The following NEDD4L variants were observed in gnomAD, a reference collection of about 807,000 sequenced individuals.
The protein encoded by NEDD4L is NEDD4 like E3 ubiquitin protein ligase.
NEDD4L carries 54 observed loss-of-function variants against 148.9 expected under a neutral mutation model. That is an observed-to-expected ratio of 0.36 (90% confidence interval 0.29 to 0.45). The LOEUF is 0.45. Among genes scored for constraint, NEDD4L ranks in the 20% least tolerant of loss-of-function variants. NEDD4L has a pLI of 1.00. For synonymous variants in NEDD4L, 433 were observed against 440.7 expected, an observed-to-expected ratio of 0.98 and a Z score of 0.22; for missense variants, 856 against 1,233.8, an observed-to-expected ratio of 0.69 and a Z score of 4.59.
At chr18:58,277,947 A>G (rs1421625071) in intron 5 of NEDD4L, among the ~76,000 whole-genome samples, 2 of 152,180 alleles carry the variant, frequency 1.3e-5, no homozygotes, top group Non-Finnish European at 2.9e-5. Flanking sequence ...GGATTCCAAC[A>G]CAGGGTGTCC....
intron 1 of NEDD4L, among the ~76,000 whole-genome samples, chr18:58,150,998 C>A (rs2034658310): frequency 6.6e-6 from 1 of 152,202 alleles, no homozygotes; most frequent in Non-Finnish European, 1.5e-5. Context: ...TACACCTCAA[C>A]CAGGCAGAGA....
intron 10 of NEDD4L, 77 bp downstream of exon 10, chr18:58,329,204 T>C: frequency 6.8e-7 from 1 of 1,470,262 alleles, no homozygotes; most frequent in Non-Finnish European, 9.3e-7. Context: ...TATATCATAA[T>C]TTCTTCTGTC....
chr18:58,215,785 T>G (rs1209468643), intron 2 of NEDD4L, among the ~76,000 whole-genome samples: 2 of 152,208 alleles, frequency 1.3e-5, no homozygotes, highest in Non-Finnish European at 2.9e-5. Context: ...CATTTTCCTT[T>G]TAGTTGTTTT....
chr18:58,339,980 C>A (rs766120353), intron 13 of NEDD4L, among the ~76,000 whole-genome samples: 13 of 152,138 alleles, frequency 8.5e-5, no homozygotes, highest in Non-Finnish European at 1.6e-4. Context: ...AAGCAGCTTC[C>A]TTTTGTAACC....
Position 58,366,065 on chromosome 18 carries a change from A to G in NEDD4L, c.1900A>G (p.Arg634Gly). ...TAACATATTTGAAGAGTCCTATCGG[A>G]GAATTATGTCCGTGAAAAGACCAGA... is the stretch of plus-strand genomic sequence containing the variant. ...RNNIFEESYR[R>G]IMSVKRPDVL... Residue 634 changes from arginine to glycine, a missense_variant, in exon 21 of 31, where the codon AGA becomes GGA. Physicochemically the swap from Arg to Gly is moderately radical, Grantham distance 125 (BLOSUM62 -2). Transcript: ENST00000400345. This position sits in a 1 kb window ranked among gnomAD's most constrained non-coding sequence, Gnocchi z 4.2. 6.2e-7 allele frequency: 1 copy of G among 1,613,546 alleles called. No homozygotes were observed. The highest frequency in any genetic ancestry group is 8.5e-7 in the Non-Finnish European group (1 of 1,179,716).
At chr18:58,255,409 C>A in intron 5 of NEDD4L, 1 of 907,416 alleles carries the variant, frequency 1.1e-6, no homozygotes, top group Non-Finnish European at 1.4e-6. Context: ...TTCTGGCCAC[C>A]CTACCCTCTG....
At chr18:58,252,698 G>A (rs902989221) in intron 5 of NEDD4L, among the ~76,000 whole-genome samples, 1 of 152,080 alleles carries the variant, frequency 6.6e-6, no homozygotes, top group African/African-American at 2.4e-5. Flanking sequence ...ATACATAACT[G>A]AAATAATTAT....
intron 1 of NEDD4L, among the ~76,000 whole-genome samples, chr18:58,083,909 T>G (rs1397513380): frequency 2.6e-5 from 4 of 152,142 alleles, no homozygotes; most frequent in Admixed American, 6.5e-5. Flanking sequence ...TTTTGTATTC[T>G]TAGTAGAGAC....
chr18:58,205,705 C>G (rs2041915677), intron 2 of NEDD4L, among the ~76,000 whole-genome samples: 2 of 151,796 alleles, frequency 1.3e-5, no homozygotes, highest in Admixed American at 6.6e-5. Flanking sequence ...GTAGAAACCA[C>G]CAGTAATTAA....
At chr18:58,058,407 C>T (rs2082181470) in intron 1 of NEDD4L, among the ~76,000 whole-genome samples, 1 of 152,182 alleles carries the variant, frequency 6.6e-6, no homozygotes, top group South Asian at 2.1e-4. Context: ...CAGCCATCAC[C>T]CCTGTCTAGC....
chr18:58,161,984 G>A (rs7240964), intron 1 of NEDD4L, among the ~76,000 whole-genome samples: 2,193 of 152,208 alleles, frequency 0.014, 50 homozygotes, highest in African/African-American at 0.05. Flanking sequence ...CTTTTCTGTG[G>A]AATAGCTAGC....
chr18:58,357,082 G>A (rs2044764924), intron 18 of NEDD4L, 112 bp from the exon 19 acceptor site: 3 of 921,212 alleles, frequency 3.3e-6, no homozygotes, highest in African/African-American at 1.7e-5. Flanking sequence ...ACAGGGTGGG[G>A]GACTGGACAG....
chr18:58,217,106 T>C (rs924463450), intron 2 of NEDD4L, among the ~76,000 whole-genome samples: 3 of 152,086 alleles, frequency 2.0e-5, no homozygotes, highest in African/African-American at 7.3e-5. Flanking sequence ...CTTTCAGATG[T>C]TTTGTTATAG....
chr18:58,066,022 A>T (rs909666356), intron 1 of NEDD4L, among the ~76,000 whole-genome samples: 15 of 152,160 alleles, frequency 9.9e-5, no homozygotes, highest in African/African-American at 3.6e-4. Flanking sequence ...AATCAGTCAT[A>T]CTCTTTAATA....
At chr18:58,235,261 G>A (rs751678572) in intron 2 of NEDD4L, among the ~76,000 whole-genome samples, 1 of 152,170 alleles carries the variant, frequency 6.6e-6, no homozygotes, top group Non-Finnish European at 1.5e-5. Flanking sequence ...CCCACTCTCG[G>A]TGTGGCACTG....
chr18:58,193,753 C>A (rs939338441), intron 2 of NEDD4L: 1 of 152,246 alleles, frequency 6.6e-6, no homozygotes, highest in African/African-American at 2.4e-5. Context: ...TTTTTGACCT[C>A]TCTGATTTCC....
Position 58,284,971 on chromosome 18 carries a change from C to T in NEDD4L, c.298-31011C>T, listed in dbSNP as rs188622746. On this transcript the variant is annotated intron_variant, in intron 5 of 30. Transcript: ENST00000400345. ...GGGGCACTCCTGCTCCTGCTCTCCCCGTCCTCATCCATGATACATACTCTC... is the reference window on the plus strand; with the variant it reads ...GGGGCACTCCTGCTCCTGCTCTCCCTGTCCTCATCCATGATACATACTCTC... 4.6e-5 allele frequency among the ~76,000 whole-genome samples: 7 copies of T among 152,270 alleles called. No individual in the cohort carries two copies. The East Asian group carries it at 5.8e-4, about 13-fold the overall frequency.
chr18:58,292,509 C>A (rs2054911886), intron 5 of NEDD4L, among the ~76,000 whole-genome samples: 1 of 152,180 alleles, frequency 6.6e-6, no homozygotes. Flanking sequence ...CCTGGGCTGC[C>A]CCCACCCTAG....
At chr18:58,310,536 A>G (rs1601039163) in intron 5 of NEDD4L, among the ~76,000 whole-genome samples, 1 of 152,192 alleles carries the variant, frequency 6.6e-6, no homozygotes, top group South Asian at 2.1e-4. Context: ...TCAGTGACAT[A>G]TTTTGAAGCA....
Sources: allele counts gnomAD v4.1 joint callset (sites outside exome capture counted in the v4.1 genomes callset), GRCh38; gene constraint gnomAD v4.1.1; non-coding constraint Gnocchi (gnomAD v3.1); transcripts MANE v1.5; gene names NCBI Gene and HGNC (gene_info 2026-07-23, HGNC 2026-07-21).